The following NIPA2 variants were observed in gnomAD, a reference collection of about 807,000 sequenced individuals.
The protein encoded by NIPA2 is NIPA magnesium transporter 2, also known as magnesium transporter NIPA2.
A neutral mutation model predicts 29.7 loss-of-function variants in NIPA2; 11 were observed. That is an observed-to-expected ratio of 0.37 (90% CI 0.23 to 0.61). The LOEUF (loss-of-function observed/expected upper bound fraction) is 0.61, where lower values mean the gene tolerates loss of function less well. Among genes scored for constraint, NIPA2 ranks in the 20% least tolerant of loss-of-function variants. The probability of loss-of-function intolerance (pLI) is 0.66; values close to 1 mark genes in which losing one functional copy is unlikely to be tolerated. For missense variants in NIPA2, 426 were observed against 437.9 expected (o/e 0.97, Z 0.24); for synonymous variants, 183 against 161.9 (o/e 1.13, Z -0.99).
chr15:22,851,847 C>T lies in NIPA2; in HGVS notation c.116C>T (p.Ala39Val). The T allele has an allele frequency of 6.2e-7, 1 of 1,613,550 alleles. No homozygotes were observed. The highest frequency in any genetic ancestry group is 1.3e-5 in the African/African-American group (1 of 74,966). Residue 39 changes from alanine (A) to valine (V), a missense_variant, in exon 4 of 8, where the codon GCC (alanine) becomes GTC (valine). Physicochemically the swap from Ala to Val is moderately conservative, Grantham distance 64. This residue lies in a region of NIPA2 where 57 missense variants were observed against 66.6 expected (regional missense o/e 0.86). Transcript: ENST00000337451. ...AAAAAAAAGGGCCTCCTTCGACTTG[C>T]CAGGAAAGGCTCTATGAGAGCAGGT... is the stretch of plus-strand genomic sequence containing the variant. ...ILKKKGLLRLARKGSMRAGQG... is the reference protein window; with the variant it reads ...ILKKKGLLRLVRKGSMRAGQG...
intron 6 of NIPA2, among the ~76,000 whole-genome samples, chr15:22,860,138 C>G (rs2058518566): frequency 6.6e-6 from 1 of 151,828 alleles, no homozygotes; most frequent in South Asian, 2.1e-4. Flanking sequence ...CCTGCCCCAG[C>G]CTCCCGAGTA....
At chr15:22,849,065 A>G (rs1024776196) in intron 3 of NIPA2, among the ~76,000 whole-genome samples, 3 of 152,104 alleles carry the variant, frequency 2.0e-5, no homozygotes, top group African/African-American at 7.2e-5. Context: ...TTTTGTTGCA[A>G]TCTTACAGCG....
At chr15:22,846,840 A>AATTATTATTATT (rs66795943) in intron 3 of NIPA2, among the ~76,000 whole-genome samples, 252 of 134,974 alleles carry the variant, frequency 1.9e-3, no homozygotes, top group African/African-American at 6.7e-3. Flanking sequence ...TAATAATAAT[A>AATTATTATTATT]ATTATTATTA....
chr15:22,859,437 C>T (rs1449991239), intron 6 of NIPA2, among the ~76,000 whole-genome samples: 2 of 151,914 alleles, frequency 1.3e-5, no homozygotes, highest in African/African-American at 4.8e-5. Flanking sequence ...GGACTACAGG[C>T]ACCCGCCACC....
Position 22,866,753 on chromosome 15 carries a change from T to C in NIPA2, c.989T>C (p.Val330Ala), listed in dbSNP as rs1473977064. ...GGCAATCTCTCTAATATGTATGAAG[T>C]TCTTAATAATAATGAAGAAAGCTTA... is the stretch of plus-strand genomic sequence containing the variant. ...MNGNLSNMYE[V>A]LNNNEESLTC... Residue 330 changes from valine (V) to alanine (A), a missense_variant, in exon 8 of 8, where the codon GTT (valine) becomes GCT (alanine). Transcript: ENST00000337451. 6.2e-7 allele frequency: 1 copy of C among 1,613,824 alleles called. No individual in the cohort carries two copies. The highest frequency in any genetic ancestry group is 1.1e-5 in the South Asian group (1 of 91,064).
chr15:22,851,976 T>TTTGAATTGTTCAAGAG, intron 4 of NIPA2, 106 bp downstream of exon 4: 2 of 960,672 alleles, frequency 2.1e-6, no homozygotes, highest in Non-Finnish European at 3.1e-6. Flanking sequence ...TATTTGAAAC[T>TTTGAATTGTTCAAGAG]TTGAATTGTT....
At chr15:22,847,097 G>T (rs562757473) in intron 3 of NIPA2, among the ~76,000 whole-genome samples, 1 of 151,572 alleles carries the variant, frequency 6.6e-6, no homozygotes, top group Non-Finnish European at 1.5e-5. Context: ...GTAGAGACAG[G>T]GTTTCTCCAT....
At chr15:22,862,404 T>A (rs1804888428) in intron 7 of NIPA2, among the ~76,000 whole-genome samples, 1 of 152,146 alleles carries the variant, frequency 6.6e-6, no homozygotes, top group South Asian at 2.1e-4. Flanking sequence ...CCTTTGATAT[T>A]CTTGTTTGCT....
rs145339916 is a variant in NIPA2, at chr15:22,866,515, A to G, written c.751A>G (p.Ile251Val). 5.6e-6 allele frequency: 9 copies of G among 1,613,712 alleles called. No homozygotes were observed. Among genetic ancestry groups the G allele is most frequent in the Admixed American group, 1.7e-5 (1 of 59,998 alleles). Residue 251 changes from isoleucine to valine, a missense_variant, in exon 8 of 8, where the codon ATA (isoleucine) becomes GTA (valine). This residue lies in a region of NIPA2 where 357 missense variants were observed against 339.8 expected (regional missense o/e 1.05). Coordinates refer to ENST00000337451, the MANE Select transcript of NIPA2 (RefSeq NM_030922.7). ...ATTCAACACTTCCATTGTGACTCCA[A>G]TATATTATGTATTCTTTACAACATC... ...DIFNTSIVTP[I>V]YYVFFTTSVL...
In NIPA2 at chr15:22,858,571, G is replaced by C. The variant is rs772713029; in HGVS notation, c.228G>C (p.Ala76=). The C allele has an allele frequency of 6.2e-7, 1 of 1,606,728 alleles. No individual in the cohort carries two copies. The highest frequency in any genetic ancestry group is 8.5e-7 in the Non-Finnish European group (1 of 1,175,726). ...MGAGEVANFA[A]YAFAPATLVT... ...CTGGTGAGGTGGCCAACTTCGCTGC[G>C]TATGCGTTTGCACCAGCCACTCTAG... Residue 76 remains alanine, a synonymous_variant, in exon 6 of 8, where the codon GCG becomes GCC. Coordinates refer to ENST00000337451, the MANE Select transcript of NIPA2 (RefSeq NM_030922.7).
chr15:22,850,545 C>T (rs2057656897), intron 3 of NIPA2, among the ~76,000 whole-genome samples: 1 of 152,180 alleles, frequency 6.6e-6, no homozygotes, highest in Non-Finnish European at 1.5e-5. Context: ...TCGTGTTTAC[C>T]ATTATTGCAG....
chr15:22,846,014 A>G (rs1387467674), intron 3 of NIPA2, among the ~76,000 whole-genome samples: 2 of 152,178 alleles, frequency 1.3e-5, no homozygotes, highest in Admixed American at 6.5e-5. Flanking sequence ...GTAAAATTCC[A>G]TTATATGTAT....
chr15:22,842,847 CA>C (rs1897468466), intron 2 of NIPA2, among the ~76,000 whole-genome samples: 1 of 151,090 alleles, frequency 6.6e-6, no homozygotes, highest in Admixed American at 6.6e-5. Context: ...TTAAAAAATG[CA>C]AAAAATTTGC....
chr15:22,848,400 G>GT (rs2057442107), intron 3 of NIPA2, among the ~76,000 whole-genome samples: 1 of 151,860 alleles, frequency 6.6e-6, no homozygotes, highest in Non-Finnish European at 1.5e-5. Flanking sequence ...TGGCTGCTTT[G>GT]TTTGTTTGTT....
chr15:22,867,308 T>TTGA lies in NIPA2; in HGVS notation c.*469_*471dup, dbSNP rs1184266959. ...ACCTACAAAAGTGGCTCCTGTTTGT[T>TTGA]TGATGATGATTGGTTTTATTTTTGA... On this transcript the variant is annotated 3_prime_UTR_variant, in exon 8 of 8. Coordinates refer to ENST00000337451, the MANE Select transcript of NIPA2 (RefSeq NM_030922.7). 3.3e-5 allele frequency: 13 copies of TTGA among 398,090 alleles called. No homozygotes were observed. Among genetic ancestry groups the TTGA allele is most frequent in the African/African-American group, 2.5e-4 (12 of 48,548 alleles). The allele number at this position is 398,090 out of a possible 1,614,324, so 24.7% of individuals were successfully genotyped here.
At chr15:22,840,066 G>C (rs1201935171) in intron 2 of NIPA2, among the ~76,000 whole-genome samples, 1 of 152,034 alleles carries the variant, frequency 6.6e-6, no homozygotes, top group Non-Finnish European at 1.5e-5. Context: ...GACCACAGAC[G>C]TGCGGCACCA....
intron 7 of NIPA2, 21 bp from the exon 8 acceptor site, chr15:22,866,192 A>T (rs754785202): frequency 1.3e-5 from 20 of 1,599,706 alleles, no homozygotes; most frequent in Admixed American, 8.5e-5. Context: ...GACTCATGTA[A>T]CTTTTCTTTG....
intron 2 of NIPA2, among the ~76,000 whole-genome samples, chr15:22,844,746 A>C (rs376239669): frequency 6.6e-6 from 1 of 151,736 alleles, no homozygotes; most frequent in African/African-American, 2.4e-5. Context: ...AGAGTGAGAC[A>C]CTGTCAAAAA....
Position 22,862,049 on chromosome 15 carries a change from C to CTTTTTTTTTTTT in NIPA2, c.448+1264_448+1275dup, listed in dbSNP as rs57513456. Among the ~76,000 whole-genome samples the CTTTTTTTTTTTT allele has an allele frequency of 6.3e-4, 66 of 103,938 alleles. 1 individual carries two copies. The highest frequency in any genetic ancestry group is 5.7e-3 in the East Asian group (15 of 2,620). The allele number at this position is 103,938 out of a possible 152,430, so 68.2% of individuals were successfully genotyped here. On this transcript the variant is annotated intron_variant, in intron 7 of 7. Transcript: ENST00000337451. ...ACCATGCCTCGCCTGATGGGTCTCT[C>CTTTTTTTTTTTT]TTTTTTTTTTTTTTTGAGACAGAGT...
Sources: gnomAD v4.1 joint callset for allele counts (sites outside exome capture counted in the v4.1 genomes callset) on GRCh38, gnomAD v4.1.1 for gene constraint, gnomAD v4.1.1 regional missense constraint, MANE v1.5 for transcripts, NCBI Gene and HGNC (gene_info 2026-07-23, HGNC 2026-07-21) for gene names.